The following DLGAP2 variants were observed in gnomAD, a reference collection of about 807,000 sequenced individuals.
The protein encoded by DLGAP2 is DLG associated protein 2, also known as disks large-associated protein 2.
DLGAP2 carries 26 observed loss-of-function variants against 100.3 expected under a neutral mutation model. The observed-to-expected ratio is 0.26, with a 90% CI of 0.19 to 0.36. The LOEUF is 0.36. DLGAP2 is among the 10% of genes least tolerant of loss of function. DLGAP2 has a pLI of 1.00. For synonymous variants in DLGAP2, 886 were observed against 630.1 expected, an observed-to-expected ratio of 1.41 and a Z score of -6.08; for missense variants, 1,858 against 1,453.2, an observed-to-expected ratio of 1.28 and a Z score of -4.53.
At chr8:843,817 G>A (rs138232566) in intron 1 of DLGAP2, among the ~76,000 whole-genome samples, 5 of 152,264 alleles carry the variant, frequency 3.3e-5, no homozygotes, top group African/African-American at 4.8e-5. Context: ...CTGTGTCCTC[G>A]CTACATGATA....
In DLGAP2 at chr8:757,397, C is replaced by T. The variant is rs146657921; in HGVS notation, c.18+19572C>T. On this transcript the variant is annotated intron_variant, in intron 1 of 14. Transcript: ENST00000637795. ...TGAAAACATGGTTTCCTTCATGTGT[C>T]GGCCATGGTGCAGTTGCATGAGACT... is the stretch of plus-strand genomic sequence containing the variant. Among the ~76,000 whole-genome samples, 25 of 152,284 alleles carry T rather than the reference C, an allele frequency of 1.6e-4. No individual in the cohort carries two copies. The East Asian group carries it at 2.7e-3, about 16-fold the overall frequency.
intron 1 of DLGAP2, among the ~76,000 whole-genome samples, chr8:856,705 A>T (rs549045853): frequency 6.6e-6 from 1 of 152,286 alleles, no homozygotes; most frequent in East Asian, 1.9e-4. Context: ...AAACTACAAA[A>T]CTCTGTTGAA....
chr8:1,500,743 A>G (rs1456304094), intron 3 of DLGAP2, among the ~76,000 whole-genome samples: 1 of 152,258 alleles, frequency 6.6e-6, no homozygotes, highest in East Asian at 1.9e-4. Context: ...TAAGAAAGTG[A>G]TGTCTGCTTT....
In DLGAP2 at chr8:1,314,996, C is replaced by T. The variant is rs149643421; in HGVS notation, c.106+56113C>T. 4.7e-4 allele frequency among the ~76,000 whole-genome samples: 71 copies of T among 152,318 alleles called. No individual in the cohort carries two copies. In the South Asian group the frequency reaches 4.8e-3, roughly 10 times the overall value. On this transcript the variant is annotated intron_variant, in intron 3 of 14. Transcript: ENST00000637795. The stretch of plus-strand genomic sequence containing the variant: ...TCCCAGCAGTTCTAAGCCGCCGTTG[C>T]GTGTTTTTAGTTATTAATAGGACTT...
At chr8:853,343 C>G (rs80250244) in intron 1 of DLGAP2, among the ~76,000 whole-genome samples, 1,702 of 152,328 alleles carry the variant, frequency 0.011, 35 homozygotes, top group African/African-American at 0.039. Context: ...CAAGCTGTGA[C>G]CACGCATGTC....
rs548685829 is a variant in DLGAP2, at chr8:1,438,618, T to A, written c.107-62748T>A. 1.6e-3 allele frequency among the ~76,000 whole-genome samples: 251 copies of A among 152,308 alleles called. 2 individuals are homozygous for A. Among genetic ancestry groups the A allele is most frequent in the Middle Eastern group, 6.8e-3 (2 of 294 alleles). On this transcript the variant is annotated intron_variant, in intron 3 of 14. Coordinates refer to ENST00000637795, the MANE Select transcript of DLGAP2 (RefSeq NM_001346810.2). ...TAGCAGTGAGGAAAGAACCGAGAACTATTTTATACATGGAGAAAAAGCCGG... is the reference window on the plus strand; with the variant it reads ...TAGCAGTGAGGAAAGAACCGAGAACAATTTTATACATGGAGAAAAAGCCGG...
At chr8:797,202 C>T (rs1796054246) in intron 1 of DLGAP2, among the ~76,000 whole-genome samples, 1 of 152,230 alleles carries the variant, frequency 6.6e-6, no homozygotes, top group Admixed American at 6.5e-5. Context: ...GTCCTGTGTG[C>T]CCGTTCCTGG....
rs143201727 is a variant in DLGAP2 at position 1,197,336 on chromosome 8, T to A, written c.74-61515T>A. ...ACAGAATTCACCACGACACCCTCCCTCCTCTTCTGCTCAGTACCTGAGCCC... is the reference window on the plus strand; with the variant it reads ...ACAGAATTCACCACGACACCCTCCCACCTCTTCTGCTCAGTACCTGAGCCC... On this transcript the variant is annotated intron_variant, in intron 2 of 14. Transcript: ENST00000637795. Among the ~76,000 whole-genome samples, 159 of 152,328 alleles carry A rather than the reference T, an allele frequency of 1.0e-3. 2 individuals are homozygous for A. The East Asian group carries it at 0.03, about 29-fold the overall frequency.
chr8:1,032,896 A>G (rs952959836), intron 2 of DLGAP2: 2 of 152,196 alleles, frequency 1.3e-5, no homozygotes, highest in African/African-American at 4.8e-5. Context: ...TAAAATGACT[A>G]TGTGTATGAC....
intron 2 of DLGAP2, among the ~76,000 whole-genome samples, chr8:967,079 G>A (rs1366371734): frequency 6.6e-6 from 1 of 152,234 alleles, no homozygotes; most frequent in African/African-American, 2.4e-5. Context: ...AAACTTCTTT[G>A]TGTATTTACC....
In DLGAP2 at chr8:1,473,418, G is replaced by A. The variant is rs775956079; in HGVS notation, c.107-27948G>A. Among the ~76,000 whole-genome samples, 12 of 152,296 alleles carry A rather than the reference G, an allele frequency of 7.9e-5. No homozygotes were observed. In the East Asian group the frequency reaches 2.1e-3, roughly 27 times the overall value. ...TCAGATCCACTGCGGGGCTGGAGGCGAAGGTGTTCAGTTGGTCCACGTTGT... is the reference window on the plus strand; with the variant it reads ...TCAGATCCACTGCGGGGCTGGAGGCAAAGGTGTTCAGTTGGTCCACGTTGT... On this transcript the variant is annotated intron_variant, in intron 3 of 14. Transcript: ENST00000637795.
chr8:1,704,884 C>G lies in DLGAP2; in HGVS notation c.*3478C>G, dbSNP rs1799664228. ...TATTAGAAGACACAGTGGCAGAGCA[C>G]ACATGTGCACAGGTTCTGATTATTT... On this transcript the variant is annotated 3_prime_UTR_variant, in exon 15 of 15. Transcript: ENST00000637795. 6.6e-6 allele frequency: 1 copy of G among 152,200 alleles called. No individual in the cohort carries two copies. The highest frequency in any genetic ancestry group is 1.5e-5 in the Non-Finnish European group (1 of 68,054). 9.4% of individuals were successfully genotyped at this position (152,200 alleles called of 1,614,324 possible). A position where few individuals can be genotyped will look rare whatever the true frequency, so the allele number is the denominator to read the frequency against.
chr8:1,563,737 G>A (rs1348718447), intron 5 of DLGAP2, among the ~76,000 whole-genome samples: 1 of 152,040 alleles, frequency 6.6e-6, no homozygotes, highest in Non-Finnish European at 1.5e-5. Flanking sequence ...CAGATCTGCC[G>A]GAGCACTGGT....
intron 2 of DLGAP2, among the ~76,000 whole-genome samples, chr8:1,195,486 A>G (rs1001240217): frequency 2.6e-5 from 4 of 152,254 alleles, no homozygotes; most frequent in African/African-American, 9.6e-5. Context: ...AGAAAGCACT[A>G]CTGAGAAAAC....
chr8:1,337,907 G>A (rs1801325281), intron 3 of DLGAP2, among the ~76,000 whole-genome samples: 1 of 152,198 alleles, frequency 6.6e-6, no homozygotes, highest in East Asian at 1.9e-4. Flanking sequence ...TCCAAAGAAG[G>A]CCTGCAAATG....
At chr8:1,579,087 G>A (rs954575202) in intron 6 of DLGAP2, among the ~76,000 whole-genome samples, 1 of 152,166 alleles carries the variant, frequency 6.6e-6, no homozygotes, top group Non-Finnish European at 1.5e-5. Flanking sequence ...TGATTGTGAT[G>A]AAAGGTAGAC....
chr8:765,268 TA>T (rs1200210698), intron 1 of DLGAP2, among the ~76,000 whole-genome samples: 2 of 152,252 alleles, frequency 1.3e-5, no homozygotes, highest in African/African-American at 4.8e-5. Context: ...AGGGCTGTTC[TA>T]GGGGTAAAAT....
At chr8:1,046,340 T>C (rs1174666698) in intron 2 of DLGAP2, among the ~76,000 whole-genome samples, 3 of 152,224 alleles carry the variant, frequency 2.0e-5, no homozygotes, top group Admixed American at 2.0e-4. Flanking sequence ...TGCTTCACTT[T>C]ACCTCTAGTT....
chr8:1,100,412 C>A (rs2701955), intron 2 of DLGAP2, among the ~76,000 whole-genome samples: 23,445 of 151,320 alleles, frequency 0.15, 2,002 homozygotes, highest in African/African-American at 0.23. Context: ...CTTTGTCCAG[C>A]ATATCCACAG....
Sources: gnomAD v4.1 joint callset for allele counts (sites outside exome capture counted in the v4.1 genomes callset) on GRCh38, gnomAD v4.1.1 for gene constraint, MANE v1.5 for transcripts, NCBI Gene and HGNC (gene_info 2026-07-23, HGNC 2026-07-21) for gene names.